The following TRIM5 variants were observed in gnomAD, a reference collection of about 807,000 sequenced individuals.
The protein encoded by TRIM5 is tripartite motif containing 5, also known as tripartite motif-containing protein 5.
In TRIM5, 31 loss-of-function variants were observed where a neutral mutation model predicts 35.6. That is an observed-to-expected ratio of 0.87 (90% CI 0.65 to 1.18). The LOEUF (loss-of-function observed/expected upper bound fraction) is 1.18. Ranked by LOEUF, TRIM5 falls within the 50% of genes most tolerant of loss-of-function variation. TRIM5 has a pLI of 0.00. For missense variants in TRIM5, 609 were observed against 591.6 expected (o/e 1.03, Z -0.31); for synonymous variants, 243 against 215.6 (o/e 1.13, Z -1.11).
rs11601507 is a variant in TRIM5 at position 5,679,844 on chromosome 11, C to T, written c.334G>A (p.Val112Ile). ...LLLFCQEDGKVICWLCERSQE... is the reference protein window; with the variant it reads ...LLLFCQEDGKIICWLCERSQE... ...GACCGCTCACAAAGCCAGCAAATGA[C>T]CTTCCCGTCCTCCTGACAGAAGAGT... The change falls in exon 2 of 8, where the codon GTC becomes ATC. Residue 112 changes from valine to isoleucine, a missense_variant. Transcript: ENST00000380034. 1 of 1,613,398 alleles carries T rather than the reference C, an allele frequency of 6.2e-7. No individual in the cohort carries two copies.
the TRIM5 span, chr11:5,605,690 T>C: frequency 4.2e-6 from 5 of 1,201,014 alleles, no homozygotes; most frequent in East Asian, 5.1e-5. Context: ...TTTGGCGCTA[T>C]AGTGCCTATC....
At chr11:5,610,399 T>C in the TRIM5 span, 1 of 1,577,380 alleles carries the variant, frequency 6.3e-7, no homozygotes, top group Non-Finnish European at 8.6e-7. Flanking sequence ...GCGGTTTGTA[T>C]TTAAGGGGAG....
intron 2 of TRIM5, 136 bp from the exon 3 acceptor site, chr11:5,679,305 A>T: frequency 1.3e-6 from 1 of 759,960 alleles, no homozygotes; most frequent in South Asian, 1.7e-5. Context: ...ATGAGAATCC[A>T]TGACTTGGAA....
At chr11:5,655,766 A>G in the TRIM5 span, 3 of 830,456 alleles carry the variant, frequency 3.6e-6, no homozygotes, top group Non-Finnish European at 4.4e-6. Flanking sequence ...AAAATCATTC[A>G]GTGCTACATT....
At chr11:5,597,096 A>G in the TRIM5 span, among the ~76,000 whole-genome samples, 1 of 152,316 alleles carries the variant, frequency 6.6e-6, no homozygotes, top group African/African-American at 2.4e-5. Context: ...ATAGAGACAG[A>G]AATGTGTGGT....
the TRIM5 span, among the ~76,000 whole-genome samples, chr11:5,636,080 T>C: frequency 3.3e-5 from 5 of 152,226 alleles, no homozygotes; most frequent in Non-Finnish European, 7.3e-5. Flanking sequence ...CATAAACTTA[T>C]ATATGAAAGT....
At chr11:5,678,103 A>G (rs1328918938) in intron 4 of TRIM5, 101 bp downstream of exon 4, 1 of 1,012,402 alleles carries the variant, frequency 9.9e-7, no homozygotes, top group Non-Finnish European at 1.4e-6. Context: ...GCGGTCCTGC[A>G]GAGAACATTG....
chr11:5,679,726 T>G (rs1346396271), intron 2 of TRIM5, 35 bp downstream of exon 2: 2 of 1,522,048 alleles, frequency 1.3e-6, no homozygotes, highest in Non-Finnish European at 1.8e-6. Context: ...TGGTCCCATT[T>G]TCTGCCCTCT....
chr11:5,593,761 A>T, the TRIM5 span, among the ~76,000 whole-genome samples: 1 of 152,212 alleles, frequency 6.6e-6, no homozygotes, highest in African/African-American at 2.4e-5. Context: ...CCCTGAGTCT[A>T]GAACTGCAGC....
At chr11:5,668,602 A>G (rs1473423675) in intron 4 of TRIM5, among the ~76,000 whole-genome samples, 1 of 151,792 alleles carries the variant, frequency 6.6e-6, no homozygotes, top group Non-Finnish European at 1.5e-5. Context: ...GGCGCCCACC[A>G]TAATGCCCGG....
At chr11:5,594,379 C>G in the TRIM5 span, among the ~76,000 whole-genome samples, 2 of 152,202 alleles carry the variant, frequency 1.3e-5, no homozygotes, top group South Asian at 4.1e-4. Flanking sequence ...AGGATCATGG[C>G]TCACTGCAGC....
chr11:5,665,157 G>A lies in TRIM5; in HGVS notation c.1134C>T (p.Gly378=). 1.2e-6 allele frequency: 2 copies of A among 1,614,034 alleles called. No individual in the cohort carries two copies. The highest frequency in any genetic ancestry group is 2.2e-5 in the East Asian group (1 of 44,878). The change falls in exon 8 of 8, where the codon GGC becomes GGT. Residue 378 remains glycine (G), a synonymous_variant. Transcript: ENST00000380034. ...TATTACACATTGCATCAGGTTGGAA[G>A]CCAGCACATACCCCCAGGATCCAAG... ...KTAWILGVCA[G]FQPDAMCNIE...
At chr11:5,595,829 A>G in the TRIM5 span, among the ~76,000 whole-genome samples, 1 of 151,588 alleles carries the variant, frequency 6.6e-6, no homozygotes, top group East Asian at 1.9e-4. Context: ...AGTAGCTAGG[A>G]CCACAGGCGC....
chr11:5,658,515 A>C (rs1370162213), downstream of TRIM5, among the ~76,000 whole-genome samples: 1 of 152,220 alleles, frequency 6.6e-6, no homozygotes, highest in African/African-American at 2.4e-5. Flanking sequence ...GCAGATAAAC[A>C]CAAGCCACCT....
chr11:5,605,442 G>C, the TRIM5 span: 1 of 1,614,208 alleles, frequency 6.2e-7, no homozygotes, highest in Non-Finnish European at 8.5e-7. Flanking sequence ...GGAACAGGAA[G>C]AGAAGAAGGG....
chr11:5,605,309 A>G, the TRIM5 span: 3 of 1,613,542 alleles, frequency 1.9e-6, no homozygotes, highest in Non-Finnish European at 2.5e-6. Flanking sequence ...ACCGACTAGC[A>G]GCCTCTTTTT....
At chr11:5,669,175 G>T (rs1472077859) in intron 4 of TRIM5, among the ~76,000 whole-genome samples, 3 of 151,440 alleles carry the variant, frequency 2.0e-5, no homozygotes, top group Admixed American at 6.6e-5. Context: ...CACCTCCTGG[G>T]TTCAAGCGAT....
chr11:5,632,207 G>A, the TRIM5 span: 15 of 1,526,378 alleles, frequency 9.8e-6, no homozygotes, highest in Non-Finnish European at 1.3e-5. Context: ...CAATTAGAAT[G>A]CTTTTTATTT....
intron 5 of TRIM5, 111 bp downstream of exon 5, chr11:5,667,578 A>C: frequency 8.5e-7 from 1 of 1,181,902 alleles, no homozygotes; most frequent in Non-Finnish European, 1.2e-6. Flanking sequence ...ACAATATCGA[A>C]ATTTTTCTGC....
Sources: gnomAD v4.1 joint callset for allele counts (sites outside exome capture counted in the v4.1 genomes callset) on GRCh38, gnomAD v4.1.1 for gene constraint, MANE v1.5 for transcripts, NCBI Gene and HGNC (gene_info 2026-07-23, HGNC 2026-07-21) for gene names.